Variants in TMCC1 observed in about 807,000 individuals in gnomAD.
The protein encoded by TMCC1 is transmembrane and coiled-coil domains protein 1.
In TMCC1, 15 loss-of-function variants were observed where a neutral mutation model predicts 52.4. The observed-to-expected ratio is 0.29, with a 90% CI of 0.19 to 0.44. The LOEUF is 0.44. Ranked by LOEUF, TMCC1 falls within the 20% of genes least tolerant of loss-of-function variation. The probability of loss-of-function intolerance (pLI) is 1.00; values close to 1 mark genes in which losing one functional copy is unlikely to be tolerated. For synonymous variants in TMCC1, 279 were observed against 301.9 expected (o/e 0.92, Z 0.79); for missense variants, 503 against 806.0 (o/e 0.62, Z 4.55).
intron 4 of TMCC1, among the ~76,000 whole-genome samples, chr3:129,718,155 AAAGT>A (rs1209347877): frequency 6.6e-6 from 1 of 152,246 alleles, no homozygotes; most frequent in African/African-American, 2.4e-5. Context: ...TTAACACCAT[AAAGT>A]ATGTACAAAT....
chr3:129,677,084 C>T (rs550122310), intron 4 of TMCC1, among the ~76,000 whole-genome samples: 118 of 151,020 alleles, frequency 7.8e-4, no homozygotes, highest in African/African-American at 2.6e-3. Flanking sequence ...GGCAACATGC[C>T]GAAACCCTGT....
intron 4 of TMCC1, among the ~76,000 whole-genome samples, chr3:129,778,268 T>C (rs914623974): frequency 6.6e-6 from 1 of 152,198 alleles, no homozygotes; most frequent in African/African-American, 2.4e-5. Context: ...GTAGAGTATA[T>C]TAATAGACAA....
At chr3:129,780,900 A>G (rs1364866702) in intron 4 of TMCC1, among the ~76,000 whole-genome samples, 1 of 152,142 alleles carries the variant, frequency 6.6e-6, no homozygotes, top group African/African-American at 2.4e-5. Flanking sequence ...GCCACTAACT[A>G]CAGGTTGCTA....
At chr3:129,853,386 A>C (rs963272119) in intron 2 of TMCC1, among the ~76,000 whole-genome samples, 10 of 152,146 alleles carry the variant, frequency 6.6e-5, no homozygotes, top group Admixed American at 6.5e-4. Flanking sequence ...GCCCTTTAGA[A>C]GGTAAAGGCA....
chr3:129,697,409 G>C (rs1440168475), intron 4 of TMCC1, among the ~76,000 whole-genome samples: 1 of 151,876 alleles, frequency 6.6e-6, no homozygotes, highest in Non-Finnish European at 1.5e-5. Flanking sequence ...GTACACAGCA[G>C]GGGGGTCCTC....
intron 4 of TMCC1, among the ~76,000 whole-genome samples, chr3:129,743,739 T>C (rs1043805064): frequency 6.6e-6 from 1 of 152,186 alleles, no homozygotes; most frequent in Non-Finnish European, 1.5e-5. Context: ...AGCTAACCTA[T>C]CTGCAAAATG....
At chr3:129,713,419 A>C (rs1157262960) in intron 4 of TMCC1, among the ~76,000 whole-genome samples, 2 of 152,234 alleles carry the variant, frequency 1.3e-5, no homozygotes, top group African/African-American at 4.8e-5. Flanking sequence ...ATTTGGTAAA[A>C]TATGTATGAT....
intron 2 of TMCC1, chr3:129,847,603 T>C (rs1427934332): frequency 2.0e-5 from 3 of 152,248 alleles, no homozygotes; most frequent in East Asian, 3.8e-4. Context: ...TTACAGTTTT[T>C]AGCTATTACC....
chr3:129,672,283 G>T (rs563409540), intron 4 of TMCC1, among the ~76,000 whole-genome samples: 1 of 152,142 alleles, frequency 6.6e-6, no homozygotes, highest in African/African-American at 2.4e-5. Flanking sequence ...ATTTGAATAG[G>T]TCCCAAAGAA....
chr3:129,659,409 A>G (rs2086879019), intron 5 of TMCC1, among the ~76,000 whole-genome samples: 1 of 151,960 alleles, frequency 6.6e-6, no homozygotes, highest in Non-Finnish European at 1.5e-5. Flanking sequence ...TCATCTTTCA[A>G]ACTATAGATA....
chr3:129,828,334 A>G lies in TMCC1; in HGVS notation c.45T>C (p.Pro15=). 6.2e-7 allele frequency: 1 copy of G among 1,614,104 alleles called. No individual in the cohort carries two copies. The highest frequency in any genetic ancestry group is 8.5e-7 in the Non-Finnish European group (1 of 1,180,012). Residue 15 remains proline, a synonymous_variant, in exon 4 of 7, where the codon CCT becomes CCC. Coordinates refer to ENST00000393238, the MANE Select transcript of TMCC1 (RefSeq NM_001017395.5). The surrounding 1 kb of genome is among the most constrained non-coding windows in gnomAD (Gnocchi z 4.1). The part of the protein sequence containing the change: ...GSEQLFEDPD[P]GGKSQDAEAR... ...CCTCTGCATCTTGGGATTTGCCTCC[A>G]GGATCAGGGTCCTCAAATAACTGTT...
At chr3:129,864,195 C>G (rs192325559) in intron 2 of TMCC1, among the ~76,000 whole-genome samples, 151 of 152,254 alleles carry the variant, frequency 9.9e-4, no homozygotes, top group African/African-American at 3.4e-3. Context: ...TAGGCCTCAA[C>G]AGATTGATAC....
chr3:129,754,173 C>T (rs2052782285), intron 4 of TMCC1, among the ~76,000 whole-genome samples: 1 of 152,076 alleles, frequency 6.6e-6, no homozygotes, highest in Admixed American at 6.5e-5. Context: ...ATAAACGTGA[C>T]AAAATATATG....
chr3:129,713,599 C>T (rs1168631172), intron 4 of TMCC1, among the ~76,000 whole-genome samples: 3 of 151,250 alleles, frequency 2.0e-5, no homozygotes, highest in Non-Finnish European at 2.9e-5. Flanking sequence ...TCCTGTAATC[C>T]CAGATACTTG....
At chr3:129,799,480 C>T (rs1411322621) in intron 4 of TMCC1, among the ~76,000 whole-genome samples, 1 of 152,036 alleles carries the variant, frequency 6.6e-6, no homozygotes, top group African/African-American at 2.4e-5. Flanking sequence ...AGGTTATGAT[C>T]GAGATGTTAA....
intron 4 of TMCC1, among the ~76,000 whole-genome samples, chr3:129,725,935 T>C (rs1431378653): frequency 6.6e-6 from 1 of 152,186 alleles, no homozygotes; most frequent in Non-Finnish European, 1.5e-5. Context: ...ATACAACTAA[T>C]GTTTTGATTT....
At chr3:129,790,002 G>A (rs988927964) in intron 4 of TMCC1, among the ~76,000 whole-genome samples, 2 of 152,032 alleles carry the variant, frequency 1.3e-5, no homozygotes, top group African/African-American at 4.8e-5. Flanking sequence ...AAGACATATT[G>A]GTAGGATTTT....
intron 4 of TMCC1, among the ~76,000 whole-genome samples, chr3:129,710,967 G>C (rs539061103): frequency 2.0e-5 from 3 of 152,168 alleles, no homozygotes; most frequent in Non-Finnish European, 4.4e-5. Flanking sequence ...CAGTTCAAGC[G>C]ATTCTCCTGC....
intron 4 of TMCC1, among the ~76,000 whole-genome samples, chr3:129,789,788 CTTAA>C (rs2056328664): frequency 1.3e-5 from 2 of 152,140 alleles, no homozygotes; most frequent in Admixed American, 6.5e-5. Context: ...CTCTCCACTT[CTTAA>C]TTTTCTTTTA....
Sources: gnomAD v4.1 joint callset for allele counts (sites outside exome capture counted in the v4.1 genomes callset) on GRCh38, gnomAD v4.1.1 for gene constraint, Gnocchi (gnomAD v3.1) non-coding constraint, MANE v1.5 for transcripts, NCBI Gene and HGNC (gene_info 2026-07-23, HGNC 2026-07-21) for gene names.